The following MMP16 variants were observed in gnomAD, a reference collection of about 807,000 sequenced individuals.
MMP16 encodes the protein matrix metalloproteinase-16.
In MMP16, 12 loss-of-function variants were observed where a neutral mutation model predicts 67.8. The observed-to-expected ratio is 0.18, with a 90% CI of 0.11 to 0.29. The LOEUF (loss-of-function observed/expected upper bound fraction) is 0.29, where lower values mean the gene tolerates loss of function less well. Among genes scored for constraint, MMP16 ranks in the 10% least tolerant of loss-of-function variants. MMP16 has a pLI of 1.00. For missense variants in MMP16, 475 were observed against 765.7 expected (o/e 0.62, Z 4.48); for synonymous variants, 249 against 255.9 (o/e 0.97, Z 0.26).
chr8:88,067,919 T>G (rs1772255300), intron 7 of MMP16, among the ~76,000 whole-genome samples: 1 of 152,164 alleles, frequency 6.6e-6, no homozygotes, highest in Non-Finnish European at 1.5e-5. Context: ...TTCATTTTTC[T>G]TGGGAAAATA....
At chr8:88,113,665 C>T (rs1043054610) in intron 6 of MMP16, among the ~76,000 whole-genome samples, 4 of 151,896 alleles carry the variant, frequency 2.6e-5, no homozygotes, top group African/African-American at 9.7e-5. Context: ...AATAAGCAGT[C>T]ATTGGCACTG....
chr8:88,185,826 A>G (rs1027661630), intron 3 of MMP16, among the ~76,000 whole-genome samples: 3 of 152,154 alleles, frequency 2.0e-5, no homozygotes, highest in African/African-American at 7.2e-5. Context: ...TTGTATTTAT[A>G]TGACTGTTCA....
intron 8 of MMP16, among the ~76,000 whole-genome samples, chr8:88,055,467 C>G (rs2118223941): frequency 6.6e-6 from 1 of 152,296 alleles, no homozygotes; most frequent in South Asian, 2.1e-4. Flanking sequence ...CTTGGCCTCG[C>G]AAAATGCTGG....
chr8:88,140,169 A>G (rs1808188168), intron 4 of MMP16, among the ~76,000 whole-genome samples: 1 of 152,040 alleles, frequency 6.6e-6, no homozygotes, highest in Non-Finnish European at 1.5e-5. Context: ...TCACTCACAG[A>G]ACTTGCAAAT....
At chr8:88,237,605 C>A (rs1489086591) in intron 1 of MMP16, among the ~76,000 whole-genome samples, 1 of 151,862 alleles carries the variant, frequency 6.6e-6, no homozygotes, top group Non-Finnish European at 1.5e-5. Context: ...ACCGAGATCG[C>A]GCCACAGCAC....
At chr8:88,185,045 T>TAA (rs1301753017) in intron 3 of MMP16, among the ~76,000 whole-genome samples, 1 of 152,194 alleles carries the variant, frequency 6.6e-6, no homozygotes, top group East Asian at 1.9e-4. Context: ...GGGCTTGGCC[T>TAA]AAAGCTGCTT....
chr8:88,197,444 T>A lies in MMP16; in HGVS notation c.133-138A>T, dbSNP rs28907572. 107 of 638,038 alleles carry A rather than the reference T, an allele frequency of 1.7e-4. 1 individual carries two copies. The African/African-American group carries it at 1.8e-3, about 11-fold the overall frequency. The allele number at this position is 638,038 out of a possible 1,614,324, so 39.5% of individuals were successfully genotyped here. A position where few individuals can be genotyped will look rare whatever the true frequency, so the allele number is the denominator to read the frequency against. On this transcript the variant is annotated intron_variant, in intron 1 of 9. Transcript: ENST00000286614. ...ACAGTATTTTAAGTGTTTGATCTTT[T>A]TGTAATATATATATTATGTAGGTTA...
At chr8:88,320,720 C>A (rs1723213090) in intron 1 of MMP16, among the ~76,000 whole-genome samples, 2 of 152,140 alleles carry the variant, frequency 1.3e-5, no homozygotes, top group Admixed American at 1.3e-4. Flanking sequence ...AAACCAAGTT[C>A]TTCCAAGCCA....
At chr8:88,277,835 A>T (rs1030212168) in intron 1 of MMP16, among the ~76,000 whole-genome samples, 2 of 152,222 alleles carry the variant, frequency 1.3e-5, no homozygotes, top group Non-Finnish European at 2.9e-5. Context: ...CATTTTCAGA[A>T]GAACTTTTGA....
intron 1 of MMP16, among the ~76,000 whole-genome samples, chr8:88,225,669 A>G (rs907952978): frequency 1.3e-5 from 2 of 151,940 alleles, no homozygotes; most frequent in African/African-American, 4.8e-5. Flanking sequence ...ACAGGCACAC[A>G]CACACACACA....
At chr8:88,240,228 T>C (rs1045911322) in intron 1 of MMP16, among the ~76,000 whole-genome samples, 2 of 152,246 alleles carry the variant, frequency 1.3e-5, no homozygotes, top group African/African-American at 2.4e-5. Context: ...GTTAATTTTA[T>C]GTGTGTCAAT....
chr8:88,165,600 A>C (rs1323000656), intron 4 of MMP16, among the ~76,000 whole-genome samples: 2 of 152,074 alleles, frequency 1.3e-5, no homozygotes, highest in Non-Finnish European at 2.9e-5. Flanking sequence ...TTTCACTAGA[A>C]TCCCTGTGTG....
At chr8:88,158,583 A>G (rs1313843321) in intron 4 of MMP16, among the ~76,000 whole-genome samples, 1 of 152,192 alleles carries the variant, frequency 6.6e-6, no homozygotes, top group East Asian at 1.9e-4. Context: ...TCAGATGGGT[A>G]GATTGCAAAA....
chr8:88,143,042 GAA>G (rs1250627707), intron 4 of MMP16, among the ~76,000 whole-genome samples: 1 of 152,050 alleles, frequency 6.6e-6, no homozygotes, highest in East Asian at 1.9e-4. Context: ...TTTTGAAGAA[GAA>G]AGATTTTGAC....
intron 4 of MMP16, among the ~76,000 whole-genome samples, chr8:88,128,657 G>C (rs151182440): frequency 1.3e-5 from 2 of 151,842 alleles, no homozygotes; most frequent in East Asian, 3.9e-4. Context: ...TCATCTTCCT[G>C]TCTCTATGGG....
intron 7 of MMP16, chr8:88,069,461 CCA>C (rs1808515150): frequency 1.9e-6 from 1 of 531,512 alleles, no homozygotes; most frequent in Non-Finnish European, 3.9e-6. Context: ...GTTCTAGAAT[CCA>C]TTTCCAATGG....
intron 4 of MMP16, among the ~76,000 whole-genome samples, chr8:88,154,669 A>T (rs1808476077): frequency 1.3e-5 from 2 of 148,898 alleles, no homozygotes. Flanking sequence ...TTGAACAATG[A>T]GATCACATGG....
chr8:88,048,068 T>C (rs1808221615), intron 8 of MMP16, among the ~76,000 whole-genome samples: 1 of 152,212 alleles, frequency 6.6e-6, no homozygotes, highest in South Asian at 2.1e-4. Flanking sequence ...AAGAAGTATG[T>C]TGTCATTCAG....
chr8:88,109,164 A>C (rs1809291581), intron 6 of MMP16, among the ~76,000 whole-genome samples: 1 of 151,324 alleles, frequency 6.6e-6, no homozygotes, highest in Non-Finnish European at 1.5e-5. Flanking sequence ...TAATCCAATG[A>C]GTTATTCATT....
Sources: allele counts gnomAD v4.1 joint callset (sites outside exome capture counted in the v4.1 genomes callset), GRCh38; gene constraint gnomAD v4.1.1; transcripts MANE v1.5; gene names NCBI Gene and HGNC (gene_info 2026-07-23, HGNC 2026-07-21).